TUSC3: variants seen among roughly 807,000 people sequenced by gnomAD.
The protein encoded by TUSC3 is dolichyl-diphosphooligosaccharide--protein glycosyltransferase subunit TUSC3.
Under a neutral mutation model 44.8 loss-of-function variants are expected in TUSC3, and 45 were observed. The observed-to-expected ratio is 1.00, with a 90% CI of 0.79 to 1.29. TUSC3 has a LOEUF of 1.29. TUSC3 is among the 50% of genes most tolerant of loss of function. The probability of loss-of-function intolerance (pLI) is 0.00; values close to 1 mark genes in which losing one functional copy is unlikely to be tolerated. For synonymous variants in TUSC3, 212 were observed against 152.9 expected (o/e 1.39, Z -2.85); for missense variants, 519 against 437.9 (o/e 1.19, Z -1.65).
the TUSC3 span, among the ~76,000 whole-genome samples, chr8:15,781,213 G>A: frequency 6.6e-6 from 1 of 152,164 alleles, no homozygotes; most frequent in Non-Finnish European, 1.5e-5. Context: ...CTCCCAAGCT[G>A]GGTGCAGAGA....
chr8:15,773,128 T>C, the TUSC3 span, among the ~76,000 whole-genome samples: 1 of 152,286 alleles, frequency 6.6e-6, no homozygotes, highest in South Asian at 2.1e-4. Context: ...CTGTGTGTTC[T>C]AGGTAGGACA....
chr8:15,436,192 T>A (rs957282308), intron 1 of TUSC3, among the ~76,000 whole-genome samples: 8 of 152,174 alleles, frequency 5.3e-5, no homozygotes, highest in African/African-American at 1.9e-4. Context: ...AGACAGAACA[T>A]GGCAGAAGCC....
intron 6 of TUSC3, among the ~76,000 whole-genome samples, chr8:15,698,851 AT>A (rs572239797): frequency 3.8e-4 from 55 of 145,060 alleles, no homozygotes; most frequent in Admixed American, 4.8e-4. Context: ...TCTTTTTTTC[AT>A]TTTTTTTTTT....
At chr8:15,437,365 A>T (rs1410128051) in intron 1 of TUSC3, among the ~76,000 whole-genome samples, 1 of 152,060 alleles carries the variant, frequency 6.6e-6, no homozygotes, top group Non-Finnish European at 1.5e-5. Flanking sequence ...AGCAGCTTTT[A>T]TTTTTCCTAA....
At chr8:15,452,642 G>C (rs1800209241) in intron 1 of TUSC3, among the ~76,000 whole-genome samples, 1 of 152,134 alleles carries the variant, frequency 6.6e-6, no homozygotes, top group South Asian at 2.1e-4. Flanking sequence ...TTGTAGTCCA[G>C]GACACGTAGC....
rs114810508 is a variant in TUSC3 at position 15,722,277 on chromosome 8, C to T, written c.799-8389C>T. ...TTTTTTTTTTTTCCTTTACCTACAA[C>T]ACCTAGACTACCAGTCTTATTGACA... On this transcript the variant is annotated intron_variant, in intron 6 of 10. Coordinates refer to ENST00000503731, the MANE Select transcript of TUSC3 (RefSeq NM_006765.4). Among the ~76,000 whole-genome samples the T allele has an allele frequency of 5.7e-3, 863 of 150,842 alleles. 5 individuals are homozygous for T. Among genetic ancestry groups the T allele is most frequent in the African/African-American group, 0.015 (607 of 41,128 alleles).
At chr8:15,694,225 C>T (rs530720441) in intron 6 of TUSC3, among the ~76,000 whole-genome samples, 24 of 152,004 alleles carry the variant, frequency 1.6e-4, no homozygotes, top group African/African-American at 5.8e-4. Context: ...GGCAGATCGC[C>T]TGAGGTCAGG....
chr8:15,704,245 A>G (rs1380838186), intron 6 of TUSC3, among the ~76,000 whole-genome samples: 1 of 135,064 alleles, frequency 7.4e-6, no homozygotes, highest in Non-Finnish European at 1.6e-5. Context: ...AAATGGAAAC[A>G]TTCTTAATGG....
intron 5 of TUSC3, among the ~76,000 whole-genome samples, chr8:15,667,585 T>C (rs1807725636): frequency 6.6e-6 from 1 of 151,756 alleles, no homozygotes; most frequent in African/African-American, 2.4e-5. Context: ...ATTTTCTGCA[T>C]AGTTAGCATT....
chr8:15,791,541 C>T, the TUSC3 span, among the ~76,000 whole-genome samples: 2 of 152,054 alleles, frequency 1.3e-5, no homozygotes, highest in Non-Finnish European at 2.9e-5. Flanking sequence ...ACCACTGTTT[C>T]GAGAGATACT....
chr8:15,837,227 T>A, the TUSC3 span, among the ~76,000 whole-genome samples: 60,526 of 147,594 alleles, frequency 0.41, 12,759 homozygotes, highest in Non-Finnish European at 0.47. Flanking sequence ...TCTTTTTTTT[T>A]AAAAAATCAC....
chr8:15,430,487 TAAG>T (rs768916955), intron 1 of TUSC3, among the ~76,000 whole-genome samples: 22 of 150,442 alleles, frequency 1.5e-4, no homozygotes, highest in Admixed American at 9.3e-4. Context: ...CTCAAAATAA[TAAG>T]AGCTGTCTAT....
chr8:15,427,383 A>G (rs1799817035), intron 1 of TUSC3, among the ~76,000 whole-genome samples: 1 of 152,030 alleles, frequency 6.6e-6, no homozygotes, highest in African/African-American at 2.4e-5. Context: ...CTGCCTCTCT[A>G]GAATAATAAA....
chr8:15,646,289 T>G (rs1806626676), intron 2 of TUSC3, among the ~76,000 whole-genome samples: 1 of 152,104 alleles, frequency 6.6e-6, no homozygotes, highest in African/African-American at 2.4e-5. Context: ...TATTTGAGTG[T>G]GGTATTTTTA....
intron 1 of TUSC3, among the ~76,000 whole-genome samples, chr8:15,424,523 A>G (rs1012055124): frequency 3.3e-5 from 5 of 152,170 alleles, no homozygotes; most frequent in African/African-American, 1.2e-4. Flanking sequence ...CAAAAATGAC[A>G]TCTGCCCACC....
chr8:15,827,866 T>G, the TUSC3 span, among the ~76,000 whole-genome samples: 1 of 152,178 alleles, frequency 6.6e-6, no homozygotes, highest in Middle Eastern at 3.4e-3. Flanking sequence ...GATGTTGGGA[T>G]AGGGTGAATA....
At chr8:15,498,176 G>A (rs182002242) in intron 2 of TUSC3, among the ~76,000 whole-genome samples, 1 of 152,236 alleles carries the variant, frequency 6.6e-6, no homozygotes, top group Admixed American at 6.5e-5. Context: ...ACCTTTGAGT[G>A]GAGAAAAACA....
chr8:15,504,608 TATATATATATA>T (rs1254978668), intron 2 of TUSC3, among the ~76,000 whole-genome samples: 22 of 33,644 alleles, frequency 6.5e-4, no homozygotes, highest in East Asian at 3.0e-3. Flanking sequence ...TATATATATA[TATATATATATA>T]TATTTTTTTT....
At chr8:15,656,538 A>G (rs1464257270) in intron 3 of TUSC3, among the ~76,000 whole-genome samples, 2 of 152,146 alleles carry the variant, frequency 1.3e-5, no homozygotes, top group Non-Finnish European at 2.9e-5. Context: ...TCCACGTCCC[A>G]TCATCTGGGC....
Sources: gnomAD v4.1 joint callset for allele counts (sites outside exome capture counted in the v4.1 genomes callset) on GRCh38, gnomAD v4.1.1 for gene constraint, MANE v1.5 for transcripts, NCBI Gene and HGNC (gene_info 2026-07-23, HGNC 2026-07-21) for gene names.